Variants in CD247 observed in about 807,000 individuals in gnomAD.
The protein encoded by CD247 is CD247 molecule.
CD247 carries 13 observed loss-of-function variants against 30.0 expected under a neutral mutation model. The observed-to-expected ratio is 0.43, with a 90% CI of 0.28 to 0.69. CD247 has a LOEUF of 0.69. Among genes scored for constraint, CD247 ranks in the 30% least tolerant of loss-of-function variants. The pLI, the probability that CD247 is intolerant of heterozygous loss-of-function variation, is 0.16. For synonymous variants in CD247, 72 were observed against 80.0 expected, an observed-to-expected ratio of 0.90 and a Z score of 0.53; for missense variants, 193 against 212.6, an observed-to-expected ratio of 0.91 and a Z score of 0.57.
intron 1 of CD247, among the ~76,000 whole-genome samples, chr1:167,517,576 G>A (rs968519088): frequency 6.6e-6 from 1 of 152,226 alleles, no homozygotes; most frequent in African/African-American, 2.4e-5. Context: ...ATGAGGTGAG[G>A]AGCAAGCACT....
chr1:167,433,906 C>T (rs1368669616), intron 6 of CD247, 114 bp downstream of exon 6: 2 of 989,244 alleles, frequency 2.0e-6, no homozygotes, highest in Non-Finnish European at 3.3e-6. Flanking sequence ...CTGATGGCCA[C>T]CACATGGGCA....
chr1:167,492,498 A>G (rs541317451), intron 1 of CD247, among the ~76,000 whole-genome samples: 2 of 152,350 alleles, frequency 1.3e-5, no homozygotes, highest in African/African-American at 4.8e-5. Flanking sequence ...TGCACAAAGG[A>G]AAAAAAGAAG....
chr1:167,487,859 T>C (rs888553876), intron 1 of CD247, among the ~76,000 whole-genome samples: 1 of 152,172 alleles, frequency 6.6e-6, no homozygotes, highest in African/African-American at 2.4e-5. Context: ...GCCTCCTGAG[T>C]AGCTGGGATT....
chr1:167,461,721 G>A (rs1051253233), intron 1 of CD247, among the ~76,000 whole-genome samples: 16 of 152,020 alleles, frequency 1.1e-4, no homozygotes, highest in African/African-American at 2.4e-4. Context: ...GGTGGTGGGC[G>A]CCTGTAGTCC....
At chr1:167,441,848 C>T (rs374260889) in intron 1 of CD247, among the ~76,000 whole-genome samples, 7 of 152,346 alleles carry the variant, frequency 4.6e-5, no homozygotes, top group Non-Finnish European at 7.3e-5. Context: ...CGGTGGCTCA[C>T]GCCTGTAATC....
chr1:167,465,169 A>C (rs1653183463), intron 1 of CD247, among the ~76,000 whole-genome samples: 1 of 152,112 alleles, frequency 6.6e-6, no homozygotes, highest in Admixed American at 6.5e-5. Context: ...ATGTGTTTAC[A>C]AGCCTCATAC....
At chr1:167,458,899 G>T (rs928700871) in intron 1 of CD247, among the ~76,000 whole-genome samples, 3 of 151,176 alleles carry the variant, frequency 2.0e-5, no homozygotes, top group African/African-American at 4.9e-5. Context: ...GAGGCAGGCG[G>T]ATCACTTGAG....
intron 5 of CD247, 102 bp downstream of exon 5, chr1:167,435,297 C>T (rs970712465): frequency 1.4e-6 from 1 of 693,130 alleles, no homozygotes; most frequent in African/African-American, 2.3e-5. Flanking sequence ...AGCCCTTCCT[C>T]TGGAGCCCTC....
chr1:167,435,905 A>G (rs1435973252), intron 4 of CD247, among the ~76,000 whole-genome samples: 1 of 152,224 alleles, frequency 6.6e-6, no homozygotes. Context: ...GGTCAATGAA[A>G]TCGACAGCCT....
chr1:167,493,290 G>A (rs1654534478), intron 1 of CD247, among the ~76,000 whole-genome samples: 1 of 152,060 alleles, frequency 6.6e-6, no homozygotes, highest in Admixed American at 6.5e-5. Flanking sequence ...CAATCCGCCA[G>A]CCTCGGCCTC....
intron 1 of CD247, among the ~76,000 whole-genome samples, chr1:167,487,992 G>T (rs1654285667): frequency 6.6e-6 from 1 of 152,098 alleles, no homozygotes; most frequent in Admixed American, 6.6e-5. Flanking sequence ...TCCCCACTCG[G>T]CCCCCAAAGG....
At chr1:167,476,790 T>G (rs539671506) in intron 1 of CD247, among the ~76,000 whole-genome samples, 1 of 152,290 alleles carries the variant, frequency 6.6e-6, no homozygotes, top group Non-Finnish European at 1.5e-5. Context: ...AGAGTGAGAC[T>G]GTGTCTCAAA....
chr1:167,503,987 A>C (rs1205411488), intron 1 of CD247, among the ~76,000 whole-genome samples: 1 of 152,138 alleles, frequency 6.6e-6, no homozygotes, highest in Non-Finnish European at 1.5e-5. Flanking sequence ...TCCCTTCTCC[A>C]TGTGGCAGAC....
chr1:167,432,698 G>C (rs541083387), intron 7 of CD247, among the ~76,000 whole-genome samples: 1 of 152,366 alleles, frequency 6.6e-6, no homozygotes, highest in Non-Finnish European at 1.5e-5. Context: ...AGAACCCAAA[G>C]AGGCAGGATA....
At chr1:167,454,026 G>A (rs1425278057) in intron 1 of CD247, among the ~76,000 whole-genome samples, 1 of 152,122 alleles carries the variant, frequency 6.6e-6, no homozygotes, top group African/African-American at 2.4e-5. Context: ...CACTATGTAA[G>A]CTGCATATAT....
At chr1:167,453,638 A>T (rs1571532582) in intron 1 of CD247, among the ~76,000 whole-genome samples, 2 of 152,196 alleles carry the variant, frequency 1.3e-5, no homozygotes, top group Non-Finnish European at 2.9e-5. Context: ...ATAATTCTAC[A>T]TGTGCTACCA....
intron 1 of CD247, among the ~76,000 whole-genome samples, chr1:167,514,896 A>G (rs1447777738): frequency 2.0e-5 from 3 of 152,192 alleles, no homozygotes; most frequent in African/African-American, 7.2e-5. Flanking sequence ...ATGCTGGGTA[A>G]CTTTTGACTG....
rs369733463 is a variant in CD247 at position 167,517,271 on chromosome 1, G to A, written c.58+1137C>T. ...GGCTGTGCCTGGCTCCCTGGTGGGA[G>A]CAGAAGTGCCCATGGCCTCTCCTGC... On this transcript the variant is annotated intron_variant, in intron 1 of 7. Coordinates refer to ENST00000362089, the MANE Select transcript of CD247 (RefSeq NM_198053.3). Among the ~76,000 whole-genome samples, 8 of 152,238 alleles carry A rather than the reference G, an allele frequency of 5.3e-5. No homozygotes were observed. The East Asian group carries it at 1.3e-3, about 26-fold the overall frequency.
chr1:167,467,436 T>G (rs1653307288), intron 1 of CD247, among the ~76,000 whole-genome samples: 1 of 152,254 alleles, frequency 6.6e-6, no homozygotes, highest in South Asian at 2.1e-4. Context: ...GTTCAACAGA[T>G]AATTCTGTTG....
Sources: allele counts gnomAD v4.1 joint callset (sites outside exome capture counted in the v4.1 genomes callset), GRCh38; gene constraint gnomAD v4.1.1; transcripts MANE v1.5; gene names NCBI Gene and HGNC (gene_info 2026-07-23, HGNC 2026-07-21).